The following NRXN3 variants were observed in gnomAD, a reference collection of about 807,000 sequenced individuals.
NRXN3 encodes neurexin III.
In NRXN3, 32 loss-of-function variants were observed where a neutral mutation model predicts 137.6. That is an observed-to-expected ratio of 0.23 (90% confidence interval 0.18 to 0.31). The LOEUF is 0.31. Among genes scored for constraint, NRXN3 ranks in the 10% least tolerant of loss-of-function variants. The pLI is 1.00. For synonymous variants in NRXN3, 798 were observed against 784.5 expected (o/e 1.02, Z -0.29); for missense variants, 1,574 against 2,062.5 (o/e 0.76, Z 4.59).
chr14:79,606,421 C>T (rs2098017868), intron 16 of NRXN3, among the ~76,000 whole-genome samples: 3 of 152,140 alleles, frequency 2.0e-5, no homozygotes, highest in Admixed American at 6.5e-5. Flanking sequence ...GCAAATGTTT[C>T]TGATTATTTA....
chr14:79,810,928 G>A (rs758459395), intron 20 of NRXN3, among the ~76,000 whole-genome samples: 9 of 152,178 alleles, frequency 5.9e-5, no homozygotes, highest in Non-Finnish European at 1.3e-4. Flanking sequence ...TAAATATGAT[G>A]TTTGAAATCT....
chr14:78,942,934 C>G (rs1473466396), intron 10 of NRXN3, among the ~76,000 whole-genome samples: 1 of 151,962 alleles, frequency 6.6e-6, no homozygotes, highest in Non-Finnish European at 1.5e-5. Context: ...AATAAATATT[C>G]TGAGAAGATG....
chr14:79,242,283 A>G (rs2074431985), intron 15 of NRXN3, among the ~76,000 whole-genome samples: 1 of 152,084 alleles, frequency 6.6e-6, no homozygotes, highest in Non-Finnish European at 1.5e-5. Context: ...CTCAGATCCT[A>G]GAAGATCAGC....
intron 15 of NRXN3, among the ~76,000 whole-genome samples, chr14:79,234,314 AT>A (rs1210666195): frequency 2.8e-5 from 3 of 107,780 alleles, no homozygotes; most frequent in African/African-American, 1.2e-4. Context: ...ATATATATAT[AT>A]ATATATATAT....
intron 4 of NRXN3, among the ~76,000 whole-genome samples, chr14:78,543,850 A>C (rs2096614202): frequency 6.6e-6 from 1 of 152,172 alleles, no homozygotes; most frequent in Non-Finnish European, 1.5e-5. Context: ...AGAGTAAAAC[A>C]ACAAAAAAGT....
chr14:78,662,663 C>T (rs1026365548), intron 6 of NRXN3, among the ~76,000 whole-genome samples: 10 of 152,118 alleles, frequency 6.6e-5, no homozygotes, highest in Non-Finnish European at 1.3e-4. Flanking sequence ...TATAGTTCTA[C>T]GATGAATGAC....
intron 3 of NRXN3, among the ~76,000 whole-genome samples, chr14:78,295,110 T>G (rs905295997): frequency 6.6e-6 from 1 of 152,218 alleles, no homozygotes; most frequent in African/African-American, 2.4e-5. Flanking sequence ...CTCTGCAAGC[T>G]CTGAGGACAG....
In NRXN3 at chr14:79,097,013, A is replaced by AT. The variant is rs75520562; in HGVS notation, c.3262+108888dup. Among the ~76,000 whole-genome samples the AT allele has an allele frequency of 6.5e-3, 934 of 143,368 alleles. 8 individuals are homozygous for AT. Among genetic ancestry groups the AT allele is most frequent in the Middle Eastern group, 0.015 (4 of 266 alleles). The allele number at this position is 143,368 out of a possible 152,430, so 94.1% of individuals were successfully genotyped here. A position where few individuals can be genotyped will look rare whatever the true frequency, so the allele number is the denominator to read the frequency against. On this transcript the variant is annotated intron_variant, in intron 15 of 20. Coordinates refer to ENST00000335750, the MANE Select transcript of NRXN3 (RefSeq NM_001330195.2). ...CCAAGGTGGAATCCTGGCCAAAATG[A>AT]TTTTTTTTTTTTTTTTACTTTCTGC...
intron 4 of NRXN3, among the ~76,000 whole-genome samples, chr14:78,437,618 A>G (rs889845962): frequency 2.0e-5 from 3 of 152,068 alleles, no homozygotes; most frequent in African/African-American, 7.2e-5. Context: ...CAAAGTGCTG[A>G]GATTACAGGT....
intron 10 of NRXN3, among the ~76,000 whole-genome samples, chr14:78,930,586 T>C (rs1274703670): frequency 6.6e-6 from 1 of 152,196 alleles, no homozygotes; most frequent in Non-Finnish European, 1.5e-5. Flanking sequence ...ATAATTCACT[T>C]AAGCTAAGGC....
chr14:78,564,217 C>G (rs144067336), intron 4 of NRXN3, among the ~76,000 whole-genome samples: 1 of 152,146 alleles, frequency 6.6e-6, no homozygotes, highest in Non-Finnish European at 1.5e-5. Flanking sequence ...GGCTTTGATG[C>G]CAATAACTGG....
At chr14:78,925,996 T>C (rs544375540) in intron 10 of NRXN3, among the ~76,000 whole-genome samples, 7 of 152,352 alleles carry the variant, frequency 4.6e-5, no homozygotes, top group East Asian at 1.9e-4. Flanking sequence ...ATAAAAATTA[T>C]AATTATTACA....
rs1242094466 is a variant in NRXN3, at chr14:79,864,650, G to A, written c.*2686G>A. On this transcript the variant is annotated 3_prime_UTR_variant, in exon 21 of 21. Transcript: ENST00000335750. ...ATTGCTATGATAGAATAACCAGGAGGGAGTGCATTTTTCTGGAAAGATGAT... is the reference window on the plus strand; with the variant it reads ...ATTGCTATGATAGAATAACCAGGAGAGAGTGCATTTTTCTGGAAAGATGAT... 2 of 152,152 alleles carry A rather than the reference G, an allele frequency of 1.3e-5. No individual in the cohort carries two copies. The highest frequency in any genetic ancestry group is 2.9e-5 in the Non-Finnish European group (2 of 68,028). The allele number at this position is 152,152 out of a possible 1,614,324, so 9.4% of individuals were successfully genotyped here.
chr14:78,564,791 T>C (rs2096822423), intron 4 of NRXN3, among the ~76,000 whole-genome samples: 1 of 152,196 alleles, frequency 6.6e-6, no homozygotes, highest in South Asian at 2.1e-4. Flanking sequence ...CCTACCACAG[T>C]ACTTGACATA....
intron 15 of NRXN3, among the ~76,000 whole-genome samples, chr14:79,196,281 CA>C (rs1328247111): frequency 6.6e-6 from 1 of 152,126 alleles, no homozygotes; most frequent in East Asian, 1.9e-4. Context: ...CTGGGTAACT[CA>C]AAATGAACAG....
intron 15 of NRXN3, chr14:79,246,743 T>A (rs1000847752): frequency 2.6e-5 from 4 of 152,196 alleles, no homozygotes; most frequent in Non-Finnish European, 5.9e-5. Flanking sequence ...AGTTTTGTTT[T>A]CCCTGCAACA....
chr14:79,657,246 A>G (rs1286191743), intron 16 of NRXN3, among the ~76,000 whole-genome samples: 1 of 152,190 alleles, frequency 6.6e-6, no homozygotes, highest in Non-Finnish European at 1.5e-5. Flanking sequence ...CACATGGAAA[A>G]AATAATGTGG....
intron 15 of NRXN3, among the ~76,000 whole-genome samples, chr14:79,460,190 C>T (rs996105419): frequency 2.0e-5 from 3 of 152,046 alleles, no homozygotes; most frequent in East Asian, 1.9e-4. Flanking sequence ...AATGGAACAT[C>T]GCAATAGTTG....
At chr14:78,685,967 C>T (rs193229262) in intron 6 of NRXN3, among the ~76,000 whole-genome samples, 1 of 152,044 alleles carries the variant, frequency 6.6e-6, no homozygotes, top group Non-Finnish European at 1.5e-5. Context: ...GTTTTATAGG[C>T]CTTTCCTGAC....
Sources: gnomAD v4.1 joint callset for allele counts (sites outside exome capture counted in the v4.1 genomes callset) on GRCh38, gnomAD v4.1.1 for gene constraint, MANE v1.5 for transcripts, NCBI Gene and HGNC (gene_info 2026-07-23, HGNC 2026-07-21) for gene names.